TLK2: variants seen among roughly 807,000 people sequenced by gnomAD.
TLK2 encodes tousled like kinase 2.
In TLK2, 6 loss-of-function variants were observed where a neutral mutation model predicts 117.3. The observed-to-expected ratio is 0.05, with a 90% CI of 0.03 to 0.10. The LOEUF (loss-of-function observed/expected upper bound fraction) is 0.10, where lower values mean the gene tolerates loss of function less well. TLK2 is among the 10% of genes least tolerant of loss of function. TLK2 has a pLI of 1.00. For synonymous variants in TLK2, 257 were observed against 316.7 expected (o/e 0.81, Z 2.00); for missense variants, 299 against 901.2 (o/e 0.33, Z 8.56).
chr17:62,574,487 A>T (rs1209325340), intron 12 of TLK2: 1 of 757,544 alleles, frequency 1.3e-6, no homozygotes, highest in African/African-American at 1.8e-5. Flanking sequence ...CTTGGAAAAC[A>T]TCTTCATTCA....
intron 15 of TLK2, among the ~76,000 whole-genome samples, chr17:62,585,411 G>A (rs1235348088): frequency 6.6e-6 from 1 of 152,176 alleles, no homozygotes; most frequent in East Asian, 1.9e-4. Flanking sequence ...GATGGTGCGT[G>A]CCTGTAATCC....
intron 2 of TLK2, among the ~76,000 whole-genome samples, chr17:62,508,153 T>TA (rs1433867502): frequency 7.1e-6 from 1 of 140,754 alleles, no homozygotes; most frequent in Non-Finnish European, 1.5e-5. Context: ...ACCAGTAAAT[T>TA]AAAAAAATTT....
intron 21 of TLK2, among the ~76,000 whole-genome samples, chr17:62,611,227 C>T (rs187863477): frequency 9.4e-4 from 143 of 152,306 alleles, no homozygotes; most frequent in Non-Finnish European, 2.0e-3. Flanking sequence ...TAGAAAGGCT[C>T]ATTTTTAAAG....
chr17:62,490,246 C>G (rs2072967136), intron 2 of TLK2, among the ~76,000 whole-genome samples: 1 of 152,190 alleles, frequency 6.6e-6, no homozygotes, highest in African/African-American at 2.4e-5. Flanking sequence ...TGCCTCTTAC[C>G]CTGTCTCTTG....
chr17:62,594,936 C>T (rs565877461), intron 16 of TLK2, among the ~76,000 whole-genome samples: 2 of 152,322 alleles, frequency 1.3e-5, no homozygotes, highest in African/African-American at 2.4e-5. Context: ...AACAAACAGA[C>T]TCCACATGGA....
intron 2 of TLK2, among the ~76,000 whole-genome samples, chr17:62,485,212 T>C (rs1304250967): frequency 6.6e-6 from 1 of 152,178 alleles, no homozygotes; most frequent in Non-Finnish European, 1.5e-5. Flanking sequence ...TTCTCCTAAC[T>C]ATTCATAACA....
intron 2 of TLK2, among the ~76,000 whole-genome samples, chr17:62,496,303 C>T (rs1389273469): frequency 1.3e-5 from 2 of 151,564 alleles, no homozygotes; most frequent in African/African-American, 2.4e-5. Flanking sequence ...ATGGCTGAAC[C>T]GTTTCCTGTT....
intron 9 of TLK2, among the ~76,000 whole-genome samples, chr17:62,554,701 C>T (rs1382736669): frequency 6.6e-6 from 1 of 152,066 alleles, no homozygotes; most frequent in Admixed American, 6.6e-5. Flanking sequence ...CATGACACAG[C>T]AAGACCCCAT....
At chr17:62,477,331 T>A (rs1422391952), upstream of TLK2, among the ~76,000 whole-genome samples, 1 of 152,100 alleles carries the variant, frequency 6.6e-6, no homozygotes, top group Non-Finnish European at 1.5e-5. Context: ...CCAACACTGT[T>A]CTCTTTGGGA....
At chr17:62,503,205 A>G (rs974278959) in intron 2 of TLK2, among the ~76,000 whole-genome samples, 7 of 151,760 alleles carry the variant, frequency 4.6e-5, no homozygotes, top group Non-Finnish European at 8.8e-5. Context: ...GACTACAGGC[A>G]CATGCCGCCA....
At chr17:62,589,148 T>C (rs922536921) in intron 16 of TLK2, among the ~76,000 whole-genome samples, 3 of 152,182 alleles carry the variant, frequency 2.0e-5, no homozygotes, top group African/African-American at 4.8e-5. Flanking sequence ...AAAAGTAAAC[T>C]GATTGTTTTA....
At chr17:62,553,092 G>C (rs1267719328) in intron 8 of TLK2, among the ~76,000 whole-genome samples, 1 of 152,092 alleles carries the variant, frequency 6.6e-6, no homozygotes, top group African/African-American at 2.4e-5. Flanking sequence ...TTTCTTGAAG[G>C]CTCTTTTGAT....
intron 2 of TLK2, among the ~76,000 whole-genome samples, chr17:62,503,099 G>C (rs113206203): frequency 8.3e-6 from 1 of 120,986 alleles, no homozygotes; most frequent in South Asian, 2.8e-4. Flanking sequence ...TCGCTCTCTC[G>C]CCCAGGCTGG....
At chr17:62,496,956 CAAAA>C (rs1156828880) in intron 2 of TLK2, among the ~76,000 whole-genome samples, 7 of 43,402 alleles carry the variant, frequency 1.6e-4, no homozygotes, top group African/African-American at 4.3e-4. Context: ...GACTCCATCT[CAAAA>C]AAAAAAAAAA....
rs549188542 is a variant in TLK2 at position 62,491,975 on chromosome 17, T to G, written c.81+10769T>G. On this transcript the variant is annotated intron_variant, in intron 2 of 21. Coordinates refer to ENST00000346027, the MANE Select transcript of TLK2 (RefSeq NM_006852.6). ...GAATAATATAACTTTGATACTAGAA[T>G]CTGCTAAGAAGTTAGCTAGCTCTAG... is the stretch of plus-strand genomic sequence containing the variant. Among the ~76,000 whole-genome samples, 14 of 152,346 alleles carry G rather than the reference T, an allele frequency of 9.2e-5. 1 individual carries two copies. The South Asian group carries it at 2.9e-3, about 32-fold the overall frequency.
intron 2 of TLK2, among the ~76,000 whole-genome samples, chr17:62,517,396 A>AT (rs1468128442): frequency 6.6e-6 from 1 of 151,250 alleles, no homozygotes; most frequent in Non-Finnish European, 1.5e-5. Context: ...TTTTTTATTG[A>AT]TTTATTTATT....
chr17:62,486,221 A>T (rs1395438405), intron 2 of TLK2, among the ~76,000 whole-genome samples: 2 of 151,764 alleles, frequency 1.3e-5, no homozygotes, highest in Non-Finnish European at 2.9e-5. Flanking sequence ...CAGTGGCGCG[A>T]TCTCGGCTCG....
chr17:62,573,802 C>T (rs2080517316), intron 12 of TLK2, among the ~76,000 whole-genome samples: 1 of 152,166 alleles, frequency 6.6e-6, no homozygotes, highest in Non-Finnish European at 1.5e-5. Flanking sequence ...AGGATAAGCC[C>T]CCCAGAAAGC....
chr17:62,497,093 C>A (rs2073774391), intron 2 of TLK2, among the ~76,000 whole-genome samples: 1 of 151,764 alleles, frequency 6.6e-6, no homozygotes, highest in Non-Finnish European at 1.5e-5. Flanking sequence ...CCCATCTCTC[C>A]AAAAAATACA....
Sources: gnomAD v4.1 joint callset for allele counts (sites outside exome capture counted in the v4.1 genomes callset) on GRCh38, gnomAD v4.1.1 for gene constraint, MANE v1.5 for transcripts, NCBI Gene and HGNC (gene_info 2026-07-23, HGNC 2026-07-21) for gene names.